The following ACTR3C variants were observed in gnomAD, a reference collection of about 807,000 sequenced individuals.
ACTR3C encodes the protein actin related protein 3C.
A neutral mutation model predicts 26.3 loss-of-function variants in ACTR3C; 18 were observed. The observed-to-expected ratio is 0.68, with a 90% CI of 0.47 to 1.01. ACTR3C has a LOEUF of 1.01. ACTR3C is among the 50% of genes least tolerant of loss of function. The pLI, the probability that ACTR3C is intolerant of heterozygous loss-of-function variation, is 0.00. For synonymous variants in ACTR3C, 55 were observed against 94.5 expected, an observed-to-expected ratio of 0.58 and a Z score of 2.42; for missense variants, 184 against 250.7, an observed-to-expected ratio of 0.73 and a Z score of 1.80.
At chr7:150,180,263 C>T in the ACTR3C span, among the ~76,000 whole-genome samples, 1 of 149,878 alleles carries the variant, frequency 6.7e-6, no homozygotes, top group African/African-American at 2.5e-5. Flanking sequence ...CGAGATCGCG[C>T]CACTGCACTC....
the ACTR3C span, among the ~76,000 whole-genome samples, chr7:149,961,023 T>G: frequency 3.4e-5 from 5 of 146,964 alleles, no homozygotes; most frequent in Non-Finnish European, 7.5e-5. Context: ...GGAAGTGCAC[T>G]GAGAGAAAGT....
chr7:150,234,573 G>A, the ACTR3C span, among the ~76,000 whole-genome samples: 2 of 152,054 alleles, frequency 1.3e-5, no homozygotes, highest in African/African-American at 2.4e-5. Flanking sequence ...CCACACTAGC[G>A]CTCCGGAAAA....
At chr7:150,212,156 G>C in the ACTR3C span, among the ~76,000 whole-genome samples, 1 of 146,570 alleles carries the variant, frequency 6.8e-6, no homozygotes, top group Non-Finnish European at 1.5e-5. Context: ...AATCCATATT[G>C]CTGAGACTGT....
chr7:149,925,128 A>G, the ACTR3C span, among the ~76,000 whole-genome samples: 5 of 151,752 alleles, frequency 3.3e-5, no homozygotes, highest in African/African-American at 1.2e-4. Context: ...GGCACCATTT[A>G]TGATAGCAAA....
At chr7:150,319,630 G>C (rs1022675800) in intron 1 of ACTR3C, among the ~76,000 whole-genome samples, 1 of 152,240 alleles carries the variant, frequency 6.6e-6, no homozygotes, top group Non-Finnish European at 1.5e-5. Context: ...TGGAGGCAAA[G>C]CACTTTGTCC....
At chr7:149,947,031 T>G in the ACTR3C span, among the ~76,000 whole-genome samples, 4 of 151,606 alleles carry the variant, frequency 2.6e-5, no homozygotes, top group South Asian at 2.1e-4. Flanking sequence ...CCGGGGGCGG[T>G]GGAGGGTACC....
the ACTR3C span, among the ~76,000 whole-genome samples, chr7:149,898,946 C>G: frequency 2.6e-5 from 4 of 151,894 alleles, no homozygotes; most frequent in Admixed American, 1.3e-4. Context: ...GTCACCCAAG[C>G]TATCTCTAGT....
intron 3 of ACTR3C, among the ~76,000 whole-genome samples, chr7:150,292,519 G>A (rs867136362): frequency 1.7e-5 from 1 of 58,224 alleles, no homozygotes. Context: ...TTTTTTTTTT[G>A]AGACGGAGTT....
chr7:150,155,619 T>A, the ACTR3C span, among the ~76,000 whole-genome samples: 1 of 149,520 alleles, frequency 6.7e-6, no homozygotes, highest in Non-Finnish European at 1.5e-5. Context: ...TTTCTCTGAC[T>A]TCTAGTGTCC....
chr7:149,947,874 C>T, the ACTR3C span, among the ~76,000 whole-genome samples: 1 of 148,234 alleles, frequency 6.7e-6, no homozygotes, highest in African/African-American at 2.7e-5. Flanking sequence ...GCACCATACT[C>T]ATCGTGCTCT....
the ACTR3C span, among the ~76,000 whole-genome samples, chr7:150,081,237 TAGAG>T: frequency 8.3e-6 from 1 of 121,056 alleles, no homozygotes; most frequent in Non-Finnish European, 1.7e-5. Flanking sequence ...GAGGAAGAAA[TAGAG>T]AGATAAAGAA....
At chr7:149,933,880 T>A in the ACTR3C span, among the ~76,000 whole-genome samples, 4 of 151,482 alleles carry the variant, frequency 2.6e-5, no homozygotes. Flanking sequence ...AGGTGTAGAG[T>A]TCCACTCAAC....
the ACTR3C span, among the ~76,000 whole-genome samples, chr7:150,188,931 A>C: frequency 0.057 from 7,486 of 131,518 alleles, 993 homozygotes; most frequent in African/African-American, 0.22. Flanking sequence ...TATACACACA[A>C]ATTTAGATTT....
the ACTR3C span, chr7:150,001,206 G>A: frequency 2.0e-5 from 3 of 152,318 alleles, no homozygotes; most frequent in Non-Finnish European, 4.4e-5. Flanking sequence ...ACCAGGTGAA[G>A]GCCCAGCTGC....
chr7:149,946,308 T>A, the ACTR3C span, among the ~76,000 whole-genome samples: 1 of 152,210 alleles, frequency 6.6e-6, no homozygotes, highest in Non-Finnish European at 1.5e-5. Context: ...AGATGCCCAT[T>A]CTTTGGAGAC....
chr7:150,053,577 A>G, the ACTR3C span, among the ~76,000 whole-genome samples: 5 of 152,244 alleles, frequency 3.3e-5, no homozygotes, highest in African/African-American at 1.2e-4. Context: ...AAGGGCTTAC[A>G]CTGTCTTCTG....
the ACTR3C span, among the ~76,000 whole-genome samples, chr7:150,019,386 G>A: frequency 6.7e-6 from 1 of 149,592 alleles, no homozygotes; most frequent in African/African-American, 2.5e-5. Context: ...GAGGTCAAGA[G>A]ATCGAGACCA....
chr7:150,230,369 C>G, the ACTR3C span, among the ~76,000 whole-genome samples: 1 of 152,140 alleles, frequency 6.6e-6, no homozygotes, highest in Non-Finnish European at 1.5e-5. Context: ...TCTTCTTGTA[C>G]AAGTTGGTCT....
the ACTR3C span, among the ~76,000 whole-genome samples, chr7:150,122,534 T>C: frequency 1.3e-5 from 2 of 152,166 alleles, no homozygotes; most frequent in South Asian, 4.1e-4. Context: ...AAAACCACAA[T>C]GAGATACCAT....
Sources: allele counts gnomAD v4.1 joint callset (sites outside exome capture counted in the v4.1 genomes callset), GRCh38; gene constraint gnomAD v4.1.1; transcripts MANE v1.5; gene names NCBI Gene and HGNC (gene_info 2026-07-23, HGNC 2026-07-21).